LRPAP1: variants seen among roughly 807,000 people sequenced by gnomAD.
The protein encoded by LRPAP1 is alpha-2-macroglobulin receptor-associated protein.
In LRPAP1, 41 loss-of-function variants were observed where a neutral mutation model predicts 39.9. The observed-to-expected ratio is 1.03, with a 90% CI of 0.80 to 1.33. LRPAP1 has a LOEUF of 1.33. LRPAP1 is among the 40% of genes most tolerant of loss of function. The pLI, the probability that LRPAP1 is intolerant of heterozygous loss-of-function variation, is 0.00. For missense variants in LRPAP1, 565 were observed against 482.3 expected (o/e 1.17, Z -1.61); for synonymous variants, 263 against 212.7 (o/e 1.24, Z -2.06).
At chr4:3,528,721 G>A (rs1384606068) in intron 1 of LRPAP1, among the ~76,000 whole-genome samples, 1 of 152,214 alleles carries the variant, frequency 6.6e-6, no homozygotes, top group Admixed American at 6.5e-5. Flanking sequence ...ACGGCAGGTG[G>A]CATGCACTGT....
rs569773887 is a variant in LRPAP1, at chr4:3,507,227, A to G, written c.*5747T>C. ...GCGAGAAAGATCCTGACTCAAAAAA[A>G]AAGACAAGATTTCCAAGACCCAGTT... is the stretch of plus-strand genomic sequence containing the variant. On this transcript the variant is annotated 3_prime_UTR_variant, in exon 8 of 8. Coordinates refer to ENST00000650182, the MANE Select transcript of LRPAP1 (RefSeq NM_002337.4). 2 of 152,328 alleles carry G rather than the reference A, an allele frequency of 1.3e-5. No homozygotes were observed. The highest frequency in any genetic ancestry group is 3.9e-4 in the East Asian group (2 of 5,188). The allele number at this position is 152,328 out of a possible 1,614,324, so 9.4% of individuals were successfully genotyped here.
chr4:3,531,463 C>A (rs1285289372), intron 1 of LRPAP1, among the ~76,000 whole-genome samples: 10 of 152,180 alleles, frequency 6.6e-5, no homozygotes, highest in Admixed American at 4.6e-4. Context: ...TCGAAAACAC[C>A]CATTTCAGGT....
intron 1 of LRPAP1, chr4:3,525,258 C>T (rs1050281081): frequency 1.9e-5 from 11 of 576,386 alleles, no homozygotes; most frequent in Middle Eastern, 4.3e-4. Flanking sequence ...TCTGTATACA[C>T]GATCCGGAAA....
chr4:3,516,182 C>G lies in LRPAP1; in HGVS notation c.768G>C (p.Arg256Ser), dbSNP rs1465748913. 1.3e-6 allele frequency: 2 copies of G among 1,576,830 alleles called. No individual in the cohort carries two copies. Among genetic ancestry groups the G allele is most frequent in the African/African-American group, 2.7e-5 (2 of 74,520 alleles). Residue 256 changes from arginine to serine, a missense_variant, in exon 6 of 8, where the codon AGG becomes AGC. Coordinates refer to ENST00000650182, the MANE Select transcript of LRPAP1 (RefSeq NM_002337.4). ...YSTEAEFEEP[R>S]VIDLWDLAQS... is the part of the protein sequence containing the mutation. ...GCGCCAGGTCCCACAGGTCAATCACCCTGGGCTCCTCGAACTCTGCAGGGG... is the reference window on the plus strand; with the variant it reads ...GCGCCAGGTCCCACAGGTCAATCACGCTGGGCTCCTCGAACTCTGCAGGGG...
intron 1 of LRPAP1, 87 bp from the exon 2 acceptor site, chr4:3,525,138 C>G: frequency 1.3e-6 from 2 of 1,526,196 alleles, no homozygotes; most frequent in Non-Finnish European, 1.8e-6. Context: ...GGCTGGCCAC[C>G]GGGAGGTTCT....
At chr4:3,515,760 T>C (rs923514298) in intron 6 of LRPAP1, 1 of 284,816 alleles carries the variant, frequency 3.5e-6, no homozygotes, top group African/African-American at 2.2e-5. Context: ...TCTCAGGAAG[T>C]GGTGACACCC....
chr4:3,528,134 C>T (rs1730135956), intron 1 of LRPAP1, among the ~76,000 whole-genome samples: 1 of 152,238 alleles, frequency 6.6e-6, no homozygotes, highest in Non-Finnish European at 1.5e-5. Flanking sequence ...GACCCCACGT[C>T]TGGATTCTTT....
At chr4:3,530,129 A>G (rs1232693780) in intron 1 of LRPAP1, among the ~76,000 whole-genome samples, 1 of 152,150 alleles carries the variant, frequency 6.6e-6, no homozygotes, top group Non-Finnish European at 1.5e-5. Flanking sequence ...CTCTCCCCCT[A>G]CGTTTGAACT....
intron 3 of LRPAP1, among the ~76,000 whole-genome samples, chr4:3,519,754 C>T (rs1402129336): frequency 3.3e-5 from 5 of 152,326 alleles, no homozygotes; most frequent in Non-Finnish European, 7.3e-5. Context: ...ATTAAAAATC[C>T]GACACGGAGT....
chr4:3,512,627 T>G lies in LRPAP1; in HGVS notation c.*347A>C. 3.6e-6 allele frequency: 1 copy of G among 276,402 alleles called. No individual in the cohort carries two copies. Among genetic ancestry groups the G allele is most frequent in the Non-Finnish European group, 6.9e-6 (1 of 145,430 alleles). 17.1% of individuals were successfully genotyped at this position (276,402 alleles called of 1,614,324 possible). On this transcript the variant is annotated 3_prime_UTR_variant, in exon 8 of 8. Transcript: ENST00000650182. The stretch of plus-strand genomic sequence containing the variant: ...TGTGCATGGTATTTCCGGTGGCAGA[T>G]GTGTAAGATTTTTTATGTAAATCGT...
In LRPAP1 at chr4:3,511,735, C is replaced by G. The variant is rs1042501954; in HGVS notation, c.*1239G>C. 2.7e-5 allele frequency: 4 copies of G among 148,660 alleles called. No individual in the cohort carries two copies. The highest frequency in any genetic ancestry group is 5.0e-5 in the African/African-American group (2 of 40,026). 9.2% of individuals were successfully genotyped at this position (148,660 alleles called of 1,614,324 possible). ...CAGGTTCAAACACGGGAACCACGCTCGGAGCTGGACCCGGACCCGAGCCTC... is the reference window on the plus strand; with the variant it reads ...CAGGTTCAAACACGGGAACCACGCTGGGAGCTGGACCCGGACCCGAGCCTC... On this transcript the variant is annotated 3_prime_UTR_variant, in exon 8 of 8. Transcript: ENST00000650182.
intron 7 of LRPAP1, among the ~76,000 whole-genome samples, chr4:3,514,397 G>C (rs1729627039): frequency 6.6e-6 from 1 of 151,624 alleles, no homozygotes; most frequent in Non-Finnish European, 1.5e-5. Context: ...AGGGGCTGTG[G>C]GGAAGGAGGC....
At chr4:3,529,822 C>T (rs559410996) in intron 1 of LRPAP1, among the ~76,000 whole-genome samples, 77 of 152,342 alleles carry the variant, frequency 5.1e-4, no homozygotes, top group African/African-American at 1.8e-3. Flanking sequence ...CCTACTGACA[C>T]ACTACGCAAT....
Position 3,532,364 on chromosome 4 carries a change from G to T in LRPAP1, c.49C>A (p.Leu17Ile). The T allele has an allele frequency of 6.3e-7, 1 of 1,593,882 alleles. No homozygotes were observed. Residue 17 changes from leucine to isoleucine, a missense_variant, in exon 1 of 8, where the codon CTA (leucine) becomes ATA (isoleucine). By Grantham distance (5) the Leu-to-Ile change is conservative. Coordinates refer to ENST00000650182, the MANE Select transcript of LRPAP1 (RefSeq NM_002337.4). ...GGCCCGAGGAAGAGCAGCAGCAGTAGCAGCGCCGGGAGCCCGCGCAGAAAC... is the reference window on the plus strand; with the variant it reads ...GGCCCGAGGAAGAGCAGCAGCAGTATCAGCGCCGGGAGCCCGCGCAGAAAC... ...RSFLRGLPAL[L>I]LLLLFLGPWP...
At chr4:3,522,266 C>T (rs1049864158) in intron 2 of LRPAP1, among the ~76,000 whole-genome samples, 2 of 152,224 alleles carry the variant, frequency 1.3e-5, no homozygotes, top group Admixed American at 6.5e-5. Flanking sequence ...GCTAGCCTGG[C>T]TCAAGCCTTC....
At chr4:3,522,381 G>C (rs1794418) in intron 2 of LRPAP1, among the ~76,000 whole-genome samples, 22,408 of 152,282 alleles carry the variant, frequency 0.15, 1,945 homozygotes, top group East Asian at 0.29. Context: ...ACTATGGAAG[G>C]TTCTGGATTC....
Position 3,512,699 on chromosome 4 carries a change from A to G in LRPAP1, c.*275T>C. The G allele has an allele frequency of 2.1e-6, 1 of 478,332 alleles. No individual in the cohort carries two copies. Among genetic ancestry groups the G allele is most frequent in the South Asian group, 3.3e-5 (1 of 30,106 alleles). The allele number at this position is 478,332 out of a possible 1,614,324, so 29.6% of individuals were successfully genotyped here. A position where few individuals can be genotyped will look rare whatever the true frequency, so the allele number is the denominator to read the frequency against. ...CAGACCTGACAGCAGCTGGACATCGAGGTCCTCACTGGGGTGGTGACTGCC... is the reference window on the plus strand; with the variant it reads ...CAGACCTGACAGCAGCTGGACATCGGGGTCCTCACTGGGGTGGTGACTGCC... On this transcript the variant is annotated 3_prime_UTR_variant, in exon 8 of 8. Coordinates refer to ENST00000650182, the MANE Select transcript of LRPAP1 (RefSeq NM_002337.4).
intron 7 of LRPAP1, 103 bp downstream of exon 7, chr4:3,514,649 G>T: frequency 7.1e-7 from 1 of 1,403,768 alleles, no homozygotes; most frequent in Non-Finnish European, 9.5e-7. Context: ...ACAGCAGCGT[G>T]GGGCCCACAC....
chr4:3,518,709 G>A lies in LRPAP1; in HGVS notation c.592+162C>T, dbSNP rs372514698. On this transcript the variant is annotated intron_variant, in intron 4 of 7. Transcript: ENST00000650182. ...CAGCAACCTCCCCACTCACAAGTCC[G>A]GTGGAACCCTGGGAGGGCGTCTGGT... 8.0e-4 allele frequency among the ~76,000 whole-genome samples: 122 copies of A among 152,050 alleles called. 1 individual carries two copies. The South Asian group carries it at 0.024, about 30-fold the overall frequency.
Sources: allele counts gnomAD v4.1 joint callset (sites outside exome capture counted in the v4.1 genomes callset), GRCh38; gene constraint gnomAD v4.1.1; transcripts MANE v1.5; gene names NCBI Gene and HGNC (gene_info 2026-07-23, HGNC 2026-07-21).